Variants in CDK5RAP1 observed in about 807,000 individuals in gnomAD.
CDK5RAP1 encodes the protein mitochondrial tRNA methylthiotransferase CDK5RAP1.
CDK5RAP1 carries 62 observed loss-of-function variants against 64.5 expected under a neutral mutation model. That is an observed-to-expected ratio of 0.96 (90% CI 0.78 to 1.19). CDK5RAP1 has a LOEUF of 1.19. CDK5RAP1 is among the 50% of genes most tolerant of loss of function. CDK5RAP1 has a pLI of 0.00. For missense variants in CDK5RAP1, 657 were observed against 735.0 expected (o/e 0.89, Z 1.23); for synonymous variants, 250 against 261.9 (o/e 0.95, Z 0.44).
At chr20:33,389,819 G>C (rs1034105601) in intron 5 of CDK5RAP1, among the ~76,000 whole-genome samples, 1 of 152,072 alleles carries the variant, frequency 6.6e-6, no homozygotes, top group Non-Finnish European at 1.5e-5. Context: ...TGTCTGTGTA[G>C]AAAGAAGTAG....
intron 10 of CDK5RAP1, among the ~76,000 whole-genome samples, chr20:33,370,834 T>C (rs1329834785): frequency 6.6e-6 from 1 of 152,224 alleles, no homozygotes; most frequent in African/African-American, 2.4e-5. Flanking sequence ...CTTCTTGGCC[T>C]ACATTTCCCC....
intron 5 of CDK5RAP1, among the ~76,000 whole-genome samples, chr20:33,388,786 G>C (rs1987845013): frequency 6.6e-6 from 1 of 152,134 alleles, no homozygotes; most frequent in Non-Finnish European, 1.5e-5. Context: ...CGCCACGCCT[G>C]ACTGGTTTTC....
chr20:33,392,712 T>G (rs966424354), intron 4 of CDK5RAP1, among the ~76,000 whole-genome samples: 2 of 152,070 alleles, frequency 1.3e-5, no homozygotes, highest in Non-Finnish European at 2.9e-5. Flanking sequence ...CTTCAAATCC[T>G]GAAAAGCCTT....
Position 33,395,131 on chromosome 20 carries a change from T to TG in CDK5RAP1, c.305-16dup. ...CTCGAGGTAGACTGCAGTGAGAGGT[T>TG]GGGGGGAATCCATGGTAGACAGACA... On this transcript the variant is annotated splice_polypyrimidine_tract_variant and intron_variant, in intron 2 of 13. Transcript: ENST00000346416. The TG allele has an allele frequency of 6.7e-7, 1 of 1,490,892 alleles. No individual in the cohort carries two copies. The highest frequency in any genetic ancestry group is 9.4e-7 in the Non-Finnish European group (1 of 1,068,238). The allele number at this position is 1,490,892 out of a possible 1,614,324, so 92.4% of individuals were successfully genotyped here.
At chr20:33,365,132 G>A (rs747018679) in intron 12 of CDK5RAP1, among the ~76,000 whole-genome samples, 3 of 152,092 alleles carry the variant, frequency 2.0e-5, no homozygotes, top group Admixed American at 6.5e-5. Context: ...CTGGGCTCAC[G>A]CAATCCTCCA....
rs372282314 is a variant in CDK5RAP1, at chr20:33,396,926, G to C, written c.139C>G (p.Gln47Glu). ...AAATCCTTCCGAGCTCCATCCTCCT[G>C]CCTCTCTGGACTGGGACACATGGTA... ...SSTMCPSPER[Q>E]EDGARKDFSS... Residue 47 changes from glutamine (Q) to glutamate (E), a missense_variant, in exon 2 of 14, where the codon CAG becomes GAG. Coordinates refer to ENST00000346416, the MANE Select transcript of CDK5RAP1 (RefSeq NM_016408.4). 1.9e-6 allele frequency: 3 copies of C among 1,614,176 alleles called. No individual in the cohort carries two copies. The African/African-American group carries it at 4.0e-5, about 22-fold the overall frequency.
rs1989407399 is a variant in CDK5RAP1 at position 33,401,442 on chromosome 20, A to G, written c.-35T>C. The G allele has an allele frequency of 1.0e-6, 1 of 985,372 alleles. No individual in the cohort carries two copies. Among genetic ancestry groups the G allele is most frequent in the South Asian group, 4.7e-5 (1 of 21,298 alleles). 61.0% of individuals were successfully genotyped at this position (985,372 alleles called of 1,614,324 possible). A position where few individuals can be genotyped will look rare whatever the true frequency, so the allele number is the denominator to read the frequency against. ...GCGCTGCTCACCTCCCGCAGCAGCA[A>G]CAGTGCCCGGGGTCCCGCAGCGTAA... On this transcript the variant is annotated 5_prime_UTR_variant, in exon 1 of 14. Transcript: ENST00000346416.
chr20:33,395,921 G>T (rs1190629532), intron 2 of CDK5RAP1, among the ~76,000 whole-genome samples: 1 of 152,178 alleles, frequency 6.6e-6, no homozygotes, highest in African/African-American at 2.4e-5. Flanking sequence ...GGCTGAGGCA[G>T]GAGAATCACT....
chr20:33,394,643 G>A (rs1988711666), intron 3 of CDK5RAP1, among the ~76,000 whole-genome samples: 1 of 151,886 alleles, frequency 6.6e-6, no homozygotes, highest in African/African-American at 2.4e-5. Context: ...ACCCACACCT[G>A]GACATTTTAA....
At chr20:33,368,088 C>T (rs1984318471) in intron 11 of CDK5RAP1, among the ~76,000 whole-genome samples, 1 of 152,186 alleles carries the variant, frequency 6.6e-6, no homozygotes, top group African/African-American at 2.4e-5. Flanking sequence ...AGGTTGGTAC[C>T]AATGTTGGAA....
intron 12 of CDK5RAP1, among the ~76,000 whole-genome samples, chr20:33,362,585 AT>A: frequency 6.6e-6 from 1 of 152,330 alleles, no homozygotes; most frequent in East Asian, 1.9e-4. Context: ...CAGTGGGTAA[AT>A]ACAGACTTTC....
chr20:33,374,921 T>C (rs1985735363), intron 8 of CDK5RAP1, among the ~76,000 whole-genome samples: 1 of 151,520 alleles, frequency 6.6e-6, no homozygotes, highest in African/African-American at 2.4e-5. Context: ...TCCCAGCACT[T>C]TGGGAGGCCA....
At chr20:33,376,645 G>A (rs1986029651) in intron 8 of CDK5RAP1, among the ~76,000 whole-genome samples, 2 of 152,272 alleles carry the variant, frequency 1.3e-5, no homozygotes, top group East Asian at 3.9e-4. Context: ...ATGGATCAAG[G>A]AGTAATTTCA....
intron 9 of CDK5RAP1, 56 bp downstream of exon 9, chr20:33,374,059 G>T: frequency 2.6e-6 from 3 of 1,165,880 alleles, no homozygotes; most frequent in Non-Finnish European, 3.9e-6. Context: ...GACACTGTTT[G>T]GTCATTAAGG....
intron 13 of CDK5RAP1, 80 bp downstream of exon 13, chr20:33,360,271 G>T: frequency 7.1e-7 from 1 of 1,412,352 alleles, no homozygotes; most frequent in Non-Finnish European, 9.7e-7. Flanking sequence ...TGTGTCTCTA[G>T]GAAAAAACTT....
chr20:33,382,024 T>C (rs922494945), intron 7 of CDK5RAP1, among the ~76,000 whole-genome samples: 2 of 152,128 alleles, frequency 1.3e-5, no homozygotes, highest in African/African-American at 4.8e-5. Flanking sequence ...TGTTTTGTAA[T>C]AGAGACAGCA....
intron 12 of CDK5RAP1, among the ~76,000 whole-genome samples, chr20:33,365,400 T>G (rs1983728764): frequency 6.6e-6 from 1 of 151,806 alleles, no homozygotes; most frequent in Non-Finnish European, 1.5e-5. Context: ...GCCTCCTGAG[T>G]AGCTGGGACT....
chr20:33,366,520 G>A (rs960171709), intron 12 of CDK5RAP1, among the ~76,000 whole-genome samples: 1 of 152,226 alleles, frequency 6.6e-6, no homozygotes, highest in African/African-American at 2.4e-5. Context: ...GCAGAGGCAA[G>A]AGAATCGCTT....
chr20:33,386,367 A>G (rs1459649184), intron 6 of CDK5RAP1, among the ~76,000 whole-genome samples: 1 of 151,988 alleles, frequency 6.6e-6, no homozygotes, highest in Non-Finnish European at 1.5e-5. Context: ...TGGCCCCTCT[A>G]CTGTTTTTAA....
Sources: allele counts gnomAD v4.1 joint callset (sites outside exome capture counted in the v4.1 genomes callset), GRCh38; gene constraint gnomAD v4.1.1; transcripts MANE v1.5; gene names NCBI Gene and HGNC (gene_info 2026-07-23, HGNC 2026-07-21).